The following SDK1 variants were observed in gnomAD, a reference collection of about 807,000 sequenced individuals.
SDK1 encodes protein sidekick-1.
SDK1 carries 157 observed loss-of-function variants against 245.5 expected under a neutral mutation model. The observed-to-expected ratio is 0.64, with a 90% CI of 0.56 to 0.73. The LOEUF (loss-of-function observed/expected upper bound fraction) is 0.73. SDK1 is among the 30% of genes least tolerant of loss of function. SDK1 has a pLI of 0.00. For synonymous variants in SDK1, 1,647 were observed against 1,278.5 expected (o/e 1.29, Z -6.15); for missense variants, 3,583 against 3,002.3 (o/e 1.19, Z -4.52).
chr7:3,329,973 G>T (rs1439387417), intron 1 of SDK1, among the ~76,000 whole-genome samples: 1 of 152,150 alleles, frequency 6.6e-6, no homozygotes, highest in African/African-American at 2.4e-5. Flanking sequence ...ATGGATTTTG[G>T]TATGCATAGG....
chr7:3,387,591 C>T (rs1781641498), intron 1 of SDK1, among the ~76,000 whole-genome samples: 1 of 152,076 alleles, frequency 6.6e-6, no homozygotes, highest in African/African-American at 2.4e-5. Flanking sequence ...TGGTAATTCC[C>T]ATTGCATTTT....
Position 4,233,246 on chromosome 7 carries a change from C to T in SDK1, c.5828-9C>T, listed in dbSNP as rs767129156. ...AACCTCTGCTCTCGCCTCCCCATCCCTCTTGCAGATGAAGGCTTATGGGAC... is the reference window on the plus strand; with the variant it reads ...AACCTCTGCTCTCGCCTCCCCATCCTTCTTGCAGATGAAGGCTTATGGGAC... On this transcript the variant is annotated splice_polypyrimidine_tract_variant and intron_variant, in intron 40 of 44. Transcript: ENST00000404826. The T allele has an allele frequency of 8.7e-6, 14 of 1,610,578 alleles. No homozygotes were observed. Among genetic ancestry groups the T allele is most frequent in the Admixed American group, 3.3e-5 (2 of 59,966 alleles).
chr7:3,743,013 G>A (rs10226577), intron 4 of SDK1, among the ~76,000 whole-genome samples: 11,647 of 152,206 alleles, frequency 0.077, 1,389 homozygotes, highest in African/African-American at 0.26. Flanking sequence ...AGTACACATG[G>A]TCCTACTTAT....
Position 3,959,628 on chromosome 7 carries a change from C to T in SDK1, c.1234+614C>T, listed in dbSNP as rs75420507. Among the ~76,000 whole-genome samples the T allele has an allele frequency of 5.9e-3, 906 of 152,324 alleles. 9 individuals carry two copies. Among genetic ancestry groups the T allele is most frequent in the African/African-American group, 0.02 (848 of 41,578 alleles). ...CTTCCACACTCTGCATCCATGTGCA[C>T]ATGTGACTTAGCACCCACTTATTAG... On this transcript the variant is annotated intron_variant, in intron 8 of 44. Transcript: ENST00000404826.
At chr7:3,476,995 G>A (rs1414039223) in intron 1 of SDK1, among the ~76,000 whole-genome samples, 4 of 152,158 alleles carry the variant, frequency 2.6e-5, no homozygotes, top group Non-Finnish European at 5.9e-5. Context: ...AAGCTAGCAT[G>A]TGCAAGAAGA....
chr7:3,950,192 T>G (rs1187169732), intron 5 of SDK1, among the ~76,000 whole-genome samples: 1 of 152,240 alleles, frequency 6.6e-6, no homozygotes, highest in Non-Finnish European at 1.5e-5. Context: ...CTGTGGATTG[T>G]GCCTGAGGAC....
chr7:3,352,301 A>G (rs1562434210), intron 1 of SDK1, among the ~76,000 whole-genome samples: 1 of 151,906 alleles, frequency 6.6e-6, no homozygotes, highest in Non-Finnish European at 1.5e-5. Flanking sequence ...TACACGTTCC[A>G]GAGATCCCCA....
At chr7:3,939,092 T>C (rs1780264880) in intron 5 of SDK1, among the ~76,000 whole-genome samples, 1 of 152,192 alleles carries the variant, frequency 6.6e-6, no homozygotes, top group African/African-American at 2.4e-5. Context: ...CCGTATTTCC[T>C]CTCTTTCCCT....
intron 1 of SDK1, among the ~76,000 whole-genome samples, chr7:3,587,793 A>G (rs552595342): frequency 6.6e-6 from 1 of 152,240 alleles, no homozygotes; most frequent in African/African-American, 2.4e-5. Context: ...CCTGAGTGTT[A>G]TCTAGCTTTC....
At chr7:3,398,931 CAGT>C (rs995546031) in intron 1 of SDK1, among the ~76,000 whole-genome samples, 1 of 152,068 alleles carries the variant, frequency 6.6e-6, no homozygotes, top group African/African-American at 2.4e-5. Flanking sequence ...CCTGAGACCT[CAGT>C]TCTCTGGTGT....
At chr7:3,441,748 A>G (rs1293619592) in intron 1 of SDK1, among the ~76,000 whole-genome samples, 1 of 152,204 alleles carries the variant, frequency 6.6e-6, no homozygotes, top group Non-Finnish European at 1.5e-5. Flanking sequence ...CAATTTGGGT[A>G]GAATAGACAT....
At chr7:3,892,986 C>T (rs1781499593) in intron 5 of SDK1, among the ~76,000 whole-genome samples, 1 of 152,190 alleles carries the variant, frequency 6.6e-6, no homozygotes, top group Admixed American at 6.5e-5. Context: ...GGAGGCCGAG[C>T]TGCAGTAGAA....
intron 1 of SDK1, among the ~76,000 whole-genome samples, chr7:3,528,426 G>A (rs1456573461): frequency 1.3e-5 from 2 of 151,946 alleles, no homozygotes; most frequent in African/African-American, 4.8e-5. Context: ...AGTGATCCAG[G>A]ATCCTAAGGT....
At chr7:3,453,886 C>T (rs750712290) in intron 1 of SDK1, among the ~76,000 whole-genome samples, 2 of 152,030 alleles carry the variant, frequency 1.3e-5, no homozygotes, top group African/African-American at 2.4e-5. Context: ...CACTGAGAGA[C>T]AGTATTATTT....
intron 2 of SDK1, among the ~76,000 whole-genome samples, chr7:3,638,518 G>T (rs975970429): frequency 5.3e-5 from 8 of 151,044 alleles, no homozygotes; most frequent in Admixed American, 2.6e-4. Flanking sequence ...ATCATTCTCA[G>T]CAAACTAACA....
chr7:3,647,320 C>G (rs543134419), intron 4 of SDK1, among the ~76,000 whole-genome samples: 8 of 152,276 alleles, frequency 5.3e-5, no homozygotes, highest in African/African-American at 1.9e-4. Flanking sequence ...ATAACGTCTT[C>G]CAAAGACTTC....
chr7:4,211,272 T>C (rs1278844622), intron 38 of SDK1, among the ~76,000 whole-genome samples: 2 of 152,250 alleles, frequency 1.3e-5, no homozygotes, highest in African/African-American at 4.8e-5. Flanking sequence ...AAAGAGGAAA[T>C]GTCAGGGGCT....
chr7:3,818,360 T>C (rs1290004682), intron 4 of SDK1, among the ~76,000 whole-genome samples: 2 of 152,340 alleles, frequency 1.3e-5, no homozygotes, highest in Non-Finnish European at 2.9e-5. Flanking sequence ...CTACCATAAT[T>C]ACTCAGCATG....
At chr7:3,907,035 C>T (rs897928809) in intron 5 of SDK1, among the ~76,000 whole-genome samples, 2 of 152,132 alleles carry the variant, frequency 1.3e-5, no homozygotes, top group African/African-American at 2.4e-5. Flanking sequence ...TAGAATCTTA[C>T]GTCCTTGTAG....
Sources: allele counts gnomAD v4.1 joint callset (sites outside exome capture counted in the v4.1 genomes callset), GRCh38; gene constraint gnomAD v4.1.1; transcripts MANE v1.5; gene names NCBI Gene and HGNC (gene_info 2026-07-23, HGNC 2026-07-21).